Variants in CEP44 observed in about 807,000 individuals in gnomAD.
CEP44 encodes centrosomal protein of 44 kDa.
CEP44 carries 45 observed loss-of-function variants against 46.7 expected under a neutral mutation model. That is an observed-to-expected ratio of 0.96 (90% CI 0.76 to 1.24). The LOEUF is 1.24. CEP44 is among the 50% of genes most tolerant of loss of function. CEP44 has a pLI of 0.00. For missense variants in CEP44, 475 were observed against 459.7 expected (o/e 1.03, Z -0.30); for synonymous variants, 142 against 146.0 (o/e 0.97, Z 0.20).
intron 1 of CEP44, among the ~76,000 whole-genome samples, chr4:174,289,094 A>G (rs1737875079): frequency 6.6e-6 from 1 of 152,202 alleles, no homozygotes; most frequent in South Asian, 2.1e-4. Flanking sequence ...CCATCCTTGC[A>G]TCACAATGAA....
rs1400052779 is a variant in CEP44, at chr4:174,319,791, A to G, written c.*2408A>G. 3.0e-5 allele frequency: 29 copies of G among 955,632 alleles called. No individual in the cohort carries two copies. Among genetic ancestry groups the G allele is most frequent in the Non-Finnish European group, 3.6e-5 (29 of 802,536 alleles). The allele number at this position is 955,632 out of a possible 1,614,324, so 59.2% of individuals were successfully genotyped here. On this transcript the variant is annotated 3_prime_UTR_variant, in exon 12 of 12. Transcript: ENST00000503780. ...TACAAAGAGTCTTTATCTAGACAAC[A>G]TAATTTTTGGAAAAATAAAGCAAAT... is the stretch of plus-strand genomic sequence containing the variant.
At chr4:174,294,062 T>TA (rs1342932453) in intron 1 of CEP44, among the ~76,000 whole-genome samples, 4 of 151,204 alleles carry the variant, frequency 2.6e-5, no homozygotes, top group Admixed American at 1.3e-4. Flanking sequence ...TTTTTTTTTT[T>TA]ATTGATCATT....
Position 174,316,283 on chromosome 4 carries a change from T to C in CEP44, c.1079T>C (p.Ile360Thr). 6.2e-7 allele frequency: 1 copy of C among 1,610,076 alleles called. No homozygotes were observed. The highest frequency in any genetic ancestry group is 8.5e-7 in the Non-Finnish European group (1 of 1,176,590). ...STVNYCGLNE[I>T]SEETTIQKME... ...GTTAATTACTGTGGTTTGAATGAGATTTCAGAGGTAAGAAAATGCTTAGAT... is the reference window on the plus strand; with the variant it reads ...GTTAATTACTGTGGTTTGAATGAGACTTCAGAGGTAAGAAAATGCTTAGAT... Residue 360 changes from isoleucine (I) to threonine (T), a missense_variant, in exon 10 of 12, where the codon ATT (isoleucine) becomes ACT (threonine). Coordinates refer to ENST00000503780, the MANE Select transcript of CEP44 (RefSeq NM_001040157.3).
Position 174,331,337 on chromosome 4 carries a change from T to G in CEP44, c.1087-145T>G. ...GTCATTTCTCTTTGTTTGCTTGGTC[T>G]TCTTTAGGCATTATTTTCAGAGTAC... is the stretch of plus-strand genomic sequence containing the variant. On this transcript the variant is annotated intron_variant, in intron 8 of 8. Transcript: ENST00000426172. The surrounding 1 kb of genome is among the most constrained non-coding windows in gnomAD (Gnocchi z 4.5). 1 of 745,424 alleles carries G rather than the reference T, an allele frequency of 1.3e-6. No homozygotes were observed. The highest frequency in any genetic ancestry group is 2.0e-6 in the Non-Finnish European group (1 of 511,710). The allele number at this position is 745,424 out of a possible 1,614,324, so 46.2% of individuals were successfully genotyped here. A position where few individuals can be genotyped will look rare whatever the true frequency, so the allele number is the denominator to read the frequency against.
chr4:174,331,563 C>T lies in CEP44; in HGVS notation c.1168C>T (p.Gln390Ter). 6.4e-7 allele frequency: 1 copy of T among 1,551,516 alleles called. No homozygotes were observed. Among genetic ancestry groups the T allele is most frequent in the South Asian group, 1.2e-5 (1 of 84,054 alleles). Reference sequence around the variant, plus strand: ...TGGGCATACTTCATACCTTTCATCACAGAGCTTTGCTTGGCCTCTCTCCTG... The same window carrying T: ...TGGGCATACTTCATACCTTTCATCATAGAGCTTTGCTTGGCCTCTCTCCTG... The change falls in exon 9 of 9, where the codon CAG (glutamine) becomes TAG (stop). Residue 390 changes from glutamine to a stop codon, truncating the protein, a stop_gained. Transcript: ENST00000426172. LOFTEE classifies it low-confidence loss of function (END_TRUNC). This position sits in a 1 kb window ranked among gnomAD's most constrained non-coding sequence, Gnocchi z 4.5.
At chr4:174,307,995 A>G (rs1403960685) in intron 6 of CEP44, among the ~76,000 whole-genome samples, 1 of 152,164 alleles carries the variant, frequency 6.6e-6, no homozygotes, top group African/African-American at 2.4e-5. Flanking sequence ...AGGAACATTT[A>G]TACACTGTTG....
chr4:174,283,985 T>G lies in CEP44; in HGVS notation c.-148+42T>G, dbSNP rs1560880121. 1 of 399,680 alleles carries G rather than the reference T, an allele frequency of 2.5e-6. No individual in the cohort carries two copies. Among genetic ancestry groups the G allele is most frequent in the Non-Finnish European group, 4.4e-6 (1 of 226,928 alleles). 24.8% of individuals were successfully genotyped at this position (399,680 alleles called of 1,614,324 possible). On this transcript the variant is annotated intron_variant, in intron 1 of 11. Transcript: ENST00000503780. This position sits in a 1 kb window ranked among gnomAD's most constrained non-coding sequence, Gnocchi z 6.7. ...AACCCACAATTCCAAATACAAACGG[T>G]CGGCGCGAGAAGCGCTTCTGGGCGC... is the stretch of plus-strand genomic sequence containing the variant.
rs781701907 is a variant in CEP44 at position 174,310,064 on chromosome 4, C to A, written c.885+8C>A. Reference sequence around the variant, plus strand: ...ATGCTTTTGTCTAAAAAGGTATTTTCCTCCTTTAACATTTATAAAATATCT... The same window carrying A: ...ATGCTTTTGTCTAAAAAGGTATTTTACTCCTTTAACATTTATAAAATATCT... On this transcript the variant is annotated splice_region_variant and intron_variant, in intron 8 of 11. Transcript: ENST00000503780. The surrounding 1 kb of genome is among the most constrained non-coding windows in gnomAD (Gnocchi z 4.2). 1 of 1,606,762 alleles carries A rather than the reference C, an allele frequency of 6.2e-7. No homozygotes were observed. Among genetic ancestry groups the A allele is most frequent in the South Asian group, 1.1e-5 (1 of 89,828 alleles).
intron 8 of CEP44, among the ~76,000 whole-genome samples, chr4:174,330,474 G>A (rs1046296667): frequency 2.7e-5 from 4 of 149,104 alleles, no homozygotes; most frequent in African/African-American, 9.9e-5. Context: ...GGGCAACAGA[G>A]TGAGACTTCG....
chr4:174,293,305 G>A (rs1432583073), intron 1 of CEP44, among the ~76,000 whole-genome samples: 2 of 152,166 alleles, frequency 1.3e-5, no homozygotes, highest in African/African-American at 4.8e-5. Flanking sequence ...GCATGATTCT[G>A]CCTTCTCAAA....
chr4:174,308,783 T>A lies in CEP44; in HGVS notation c.602T>A (p.Val201Asp), dbSNP rs1410130568. Residue 201 changes from valine (V) to aspartate (D), a missense_variant, in exon 7 of 12, where the codon GTT (valine) becomes GAT (aspartate). Val to Asp is a radical substitution (Grantham distance 152). Transcript: ENST00000503780. ...CCAATAACAGATGTTAATGAAGCAG[T>A]TGATGTGTCTGACTTAAATGCTACT... ...LSPITDVNEAVDVSDLNATEI... is the reference protein window; with the variant it reads ...LSPITDVNEADDVSDLNATEI... The A allele has an allele frequency of 6.2e-7, 1 of 1,613,358 alleles. No homozygotes were observed. The highest frequency in any genetic ancestry group is 1.7e-5 in the Admixed American group (1 of 59,954).
At chr4:174,291,191 G>A (rs966960663) in intron 1 of CEP44, among the ~76,000 whole-genome samples, 19 of 151,622 alleles carry the variant, frequency 1.3e-4, no homozygotes, top group African/African-American at 4.6e-4. Flanking sequence ...TTTATTCATT[G>A]TTTTCTATTT....
chr4:174,320,069 G>T lies in CEP44; in HGVS notation c.*2686G>T, dbSNP rs1742171749. 1.0e-6 allele frequency: 1 copy of T among 985,056 alleles called. No individual in the cohort carries two copies. The highest frequency in any genetic ancestry group is 4.7e-5 in the South Asian group (1 of 21,274). 61.0% of individuals were successfully genotyped at this position (985,056 alleles called of 1,614,324 possible). On this transcript the variant is annotated 3_prime_UTR_variant, in exon 12 of 12. Coordinates refer to ENST00000503780, the MANE Select transcript of CEP44 (RefSeq NM_001040157.3). ...CACTGTACTACCAACAAAGGTGTCA[G>T]TTGCTTGTGCTGCCCTGTCTATGTT... is the stretch of plus-strand genomic sequence containing the variant.
In CEP44 at chr4:174,312,515, G is replaced by A. The variant is rs1007688247; in HGVS notation, c.961+1657G>A. ...AACAAGGTCTTGCTATGTTGCTCAG[G>A]CTGGTCTTGAACTCCTGGGCTCAAG... On this transcript the variant is annotated intron_variant, in intron 9 of 11. Coordinates refer to ENST00000503780, the MANE Select transcript of CEP44 (RefSeq NM_001040157.3). The surrounding 1 kb of genome is among the most constrained non-coding windows in gnomAD (Gnocchi z 4.5). Among the ~76,000 whole-genome samples, 5 of 152,188 alleles carry A rather than the reference G, an allele frequency of 3.3e-5. No homozygotes were observed. The highest frequency in any genetic ancestry group is 7.4e-5 in the Non-Finnish European group (5 of 68,006).
intron 8 of CEP44, among the ~76,000 whole-genome samples, chr4:174,327,849 C>T (rs1208188950): frequency 6.6e-6 from 1 of 151,980 alleles, no homozygotes; most frequent in Non-Finnish European, 1.5e-5. Flanking sequence ...GGACTGTAAA[C>T]AGTAATATCA....
intron 1 of CEP44, among the ~76,000 whole-genome samples, chr4:174,291,970 T>C (rs532781948): frequency 1.3e-5 from 2 of 151,774 alleles, no homozygotes; most frequent in African/African-American, 4.8e-5. Context: ...TTTGTATTTT[T>C]TGTAGAGACA....
In CEP44 at chr4:174,302,033, T is replaced by C. The variant is rs1473131150; in HGVS notation, c.90-6T>C. 1 of 1,580,894 alleles carries C rather than the reference T, an allele frequency of 6.3e-7. No individual in the cohort carries two copies. The highest frequency in any genetic ancestry group is 8.5e-7 in the Non-Finnish European group (1 of 1,171,848). On this transcript the variant is annotated splice_polypyrimidine_tract_variant and splice_region_variant and intron_variant, in intron 3 of 11. Coordinates refer to ENST00000503780, the MANE Select transcript of CEP44 (RefSeq NM_001040157.3). ...ATTAAAAATATTTTTCTTTTTTTCC[T>C]AACAGTTTGATAAAGGGAGACCCAG... is the stretch of plus-strand genomic sequence containing the variant.
At chr4:174,284,013 G>A (rs1426178452) in intron 1 of CEP44, 70 bp downstream of exon 1, 1 of 399,700 alleles carries the variant, frequency 2.5e-6, no homozygotes, top group Non-Finnish European at 4.4e-6. Flanking sequence ...CTGGGCGCAG[G>A]CGCCTGGCTG....
chr4:174,319,986 A>C lies in CEP44; in HGVS notation c.*2603A>C, dbSNP rs1399816710. On this transcript the variant is annotated 3_prime_UTR_variant, in exon 12 of 12. Transcript: ENST00000503780. The stretch of plus-strand genomic sequence containing the variant: ...GATTACCTAGAGCTACATAACCCTA[A>C]GTTAAGTAAAATTTTCACTTTCATT... The C allele has an allele frequency of 2.0e-6, 2 of 985,130 alleles. No homozygotes were observed. Among genetic ancestry groups the C allele is most frequent in the Non-Finnish European group, 2.4e-6 (2 of 829,662 alleles). 61.0% of individuals were successfully genotyped at this position (985,130 alleles called of 1,614,324 possible). A position where few individuals can be genotyped will look rare whatever the true frequency, so the allele number is the denominator to read the frequency against.
Sources: allele counts gnomAD v4.1 joint callset (sites outside exome capture counted in the v4.1 genomes callset), GRCh38; gene constraint gnomAD v4.1.1; non-coding constraint Gnocchi (gnomAD v3.1); transcripts MANE v1.5; gene names NCBI Gene and HGNC (gene_info 2026-07-23, HGNC 2026-07-21).